MYPN: variants seen among roughly 807,000 people sequenced by gnomAD.
The protein encoded by MYPN is sarcomeric protein myopalladin, 145 kDa (MYOP).
Under a neutral mutation model 129.4 loss-of-function variants are expected in MYPN, and 63 were observed. The observed-to-expected ratio is 0.49, with a 90% CI of 0.40 to 0.60. The LOEUF (loss-of-function observed/expected upper bound fraction) is 0.60. MYPN is among the 20% of genes least tolerant of loss of function. The probability of loss-of-function intolerance (pLI) is 0.00; values close to 1 mark genes in which losing one functional copy is unlikely to be tolerated. For synonymous variants in MYPN, 629 were observed against 600.9 expected (o/e 1.05, Z -0.68); for missense variants, 1,596 against 1,635.4 (o/e 0.98, Z 0.42).
intron 6 of MYPN, 116 bp downstream of exon 6, chr10:68,150,227 TA>T: frequency 1.1e-6 from 1 of 910,906 alleles, no homozygotes; most frequent in Non-Finnish European, 1.8e-6. Context: ...GTATGTACGG[TA>T]TAGGGTTTGG....
At chr10:68,152,389 AG>A (rs2042786737) in intron 6 of MYPN, among the ~76,000 whole-genome samples, 1 of 152,006 alleles carries the variant, frequency 6.6e-6, no homozygotes, top group Admixed American at 6.6e-5. Flanking sequence ...TTCAGATGGT[AG>A]GGGGCAGGCA....
At chr10:68,138,524 A>G (rs1564656533) in intron 2 of MYPN, among the ~76,000 whole-genome samples, 1 of 152,078 alleles carries the variant, frequency 6.6e-6, no homozygotes, top group Non-Finnish European at 1.5e-5. Context: ...AGCACCAGCA[A>G]TTAGACCCAC....
At chr10:68,151,757 A>C (rs1344398584) in intron 6 of MYPN, among the ~76,000 whole-genome samples, 3 of 152,210 alleles carry the variant, frequency 2.0e-5, no homozygotes, top group Non-Finnish European at 2.9e-5. Context: ...CTAGACAGAC[A>C]GGTGACATCA....
chr10:68,166,301 G>A lies in MYPN; in HGVS notation c.1608G>A (p.Glu536=), dbSNP rs915094443. 1 of 1,614,064 alleles carries A rather than the reference G, an allele frequency of 6.2e-7. No individual in the cohort carries two copies. Residue 536 remains glutamate, a synonymous_variant, in exon 10 of 20, where the codon GAG becomes GAA. Transcript: ENST00000358913. ...CTGTGATTGTCCTTTCAGGAAATGA[G>A]GACCTCAGCAACAACGGGTCTCTTC... is the stretch of plus-strand genomic sequence containing the variant. ...SIAQLHVRGN[E]DLSNNGSLHS...
chr10:68,163,616 A>G (rs2943771), intron 8 of MYPN, among the ~76,000 whole-genome samples: 133,010 of 152,090 alleles, frequency 0.87, 59,009 homozygotes, highest in African/African-American at 0.97. Flanking sequence ...GTGACAGAGC[A>G]AGACTCCATC....
intron 18 of MYPN, among the ~76,000 whole-genome samples, chr10:68,206,095 A>G (rs1373253395): frequency 6.6e-6 from 1 of 152,210 alleles, no homozygotes; most frequent in Non-Finnish European, 1.5e-5. Flanking sequence ...TAAGAGGGCC[A>G]GGCCAACAAG....
intron 1 of MYPN, among the ~76,000 whole-genome samples, chr10:68,114,804 C>T (rs1235606695): frequency 6.6e-6 from 1 of 152,178 alleles, no homozygotes; most frequent in Non-Finnish European, 1.5e-5. Flanking sequence ...TAAAGTCTAT[C>T]TTGATGTTTG....
intron 1 of MYPN, among the ~76,000 whole-genome samples, chr10:68,089,824 T>G (rs1485202822): frequency 6.6e-6 from 1 of 152,228 alleles, no homozygotes; most frequent in African/African-American, 2.4e-5. Context: ...ATAGTGGTAC[T>G]TCAGTGTTAT....
upstream of MYPN, chr10:68,106,662 G>A (rs1400784108): frequency 1.4e-5 from 10 of 711,702 alleles, no homozygotes; most frequent in Non-Finnish European, 2.6e-5. Flanking sequence ...GGAGCCTATA[G>A]CGATATAAAA....
rs2043588657 is a variant in MYPN at position 68,195,462 on chromosome 10, T to A, written c.3088T>A (p.Cys1030Ser). The change falls in exon 15 of 20, where the codon TGT (cysteine) becomes AGT (serine). Residue 1030 changes from cysteine (C) to serine (S), a missense_variant. Transcript: ENST00000358913. ...TTCTGTTTGTCAGGGGAGAATCAGCTGTTCTGGCCACTTGATGGTACAAAG... is the reference window on the plus strand; with the variant it reads ...TTCTGTTTGTCAGGGGAGAATCAGCAGTTCTGGCCACTTGATGGTACAAAG... ...MAANPQGRIS[C>S]SGHLMVQSLP... 1 of 1,613,916 alleles carries A rather than the reference T, an allele frequency of 6.2e-7. No homozygotes were observed. Among genetic ancestry groups the A allele is most frequent in the Non-Finnish European group, 8.5e-7 (1 of 1,179,930 alleles).
chr10:68,113,610 T>C (rs2042111032), intron 1 of MYPN, among the ~76,000 whole-genome samples: 1 of 151,838 alleles, frequency 6.6e-6, no homozygotes, highest in Non-Finnish European at 1.5e-5. Flanking sequence ...GGTGGGAGGA[T>C]TGCTTGAGCC....
intron 18 of MYPN, among the ~76,000 whole-genome samples, chr10:68,205,285 G>A (rs1050436282): frequency 6.6e-6 from 1 of 151,904 alleles, no homozygotes; most frequent in South Asian, 2.1e-4. Context: ...TCTTTCCCAC[G>A]ACATTACTCT....
intron 2 of MYPN, among the ~76,000 whole-genome samples, chr10:68,139,227 G>A (rs561866889): frequency 1.3e-5 from 2 of 152,126 alleles, no homozygotes; most frequent in Non-Finnish European, 2.9e-5. Flanking sequence ...CAACCTCCCT[G>A]TTTTAAGCTC....
At chr10:68,194,192 G>A (rs1043061651) in intron 13 of MYPN, among the ~76,000 whole-genome samples, 171 bp from the exon 14 acceptor site, 1 of 151,864 alleles carries the variant, frequency 6.6e-6, no homozygotes, top group African/African-American at 2.4e-5. Context: ...TACGAGTGGA[G>A]GGGCATATTA....
intron 12 of MYPN, among the ~76,000 whole-genome samples, chr10:68,188,472 G>T (rs1335202156): frequency 6.6e-6 from 1 of 151,430 alleles, no homozygotes; most frequent in African/African-American, 2.4e-5. Context: ...TTCAAGACAG[G>T]TTTTCCTCAA....
chr10:68,162,515 C>T (rs2042993571), intron 8 of MYPN, among the ~76,000 whole-genome samples: 1 of 152,180 alleles, frequency 6.6e-6, no homozygotes, highest in African/African-American at 2.4e-5. Context: ...CGACGAGATA[C>T]AAGTGACAGT....
At chr10:68,169,292 A>T (rs1264481056) in intron 10 of MYPN, among the ~76,000 whole-genome samples, 1 of 148,110 alleles carries the variant, frequency 6.8e-6, no homozygotes, top group Non-Finnish European at 1.5e-5. Context: ...CAGGAGGTGG[A>T]GCTTGCAGTG....
chr10:68,110,137 T>A (rs1467322407), intron 1 of MYPN, among the ~76,000 whole-genome samples: 1 of 152,246 alleles, frequency 6.6e-6, no homozygotes, highest in African/African-American at 2.4e-5. Context: ...TAAATTTTTT[T>A]ATCATGTAAA....
intron 10 of MYPN, among the ~76,000 whole-genome samples, chr10:68,171,820 C>A (rs964999523): frequency 6.6e-6 from 1 of 152,192 alleles, no homozygotes; most frequent in African/African-American, 2.4e-5. Context: ...CAATTTCAAG[C>A]TACTAAGAGA....
Sources: allele counts gnomAD v4.1 joint callset (sites outside exome capture counted in the v4.1 genomes callset), GRCh38; gene constraint gnomAD v4.1.1; transcripts MANE v1.5; gene names NCBI Gene and HGNC (gene_info 2026-07-23, HGNC 2026-07-21).